Variants in APC observed in about 807,000 individuals in gnomAD.
The protein encoded by APC is APC regulator of Wnt signaling pathway, also known as adenomatous polyposis coli protein.
In APC, 72 loss-of-function variants were observed where a neutral mutation model predicts 247.0. The ratio of observed to expected loss-of-function variants is 0.29; its 90% CI spans 0.24 to 0.35. The LOEUF (loss-of-function observed/expected upper bound fraction) is 0.35, where lower values mean the gene tolerates loss of function less well. Ranked by LOEUF, APC falls within the 10% of genes least tolerant of loss-of-function variation. APC has a pLI of 1.00. For missense variants in APC, 3,400 were observed against 3,360.7 expected, an observed-to-expected ratio of 1.01 and a Z score of -0.29; for synonymous variants, 1,254 against 1,162.5, an observed-to-expected ratio of 1.08 and a Z score of -1.60.
At chr5:112,829,071 G>C in intron 14 of APC, 99 bp downstream of exon 14, 1 of 818,474 alleles carries the variant, frequency 1.2e-6, no homozygotes, top group Non-Finnish European at 2.1e-6. Flanking sequence ...TCTTACCTGT[G>C]TATTATTCAG....
chr5:112,738,074 C>A (rs1366150493), intron 1 of APC, 149 bp downstream of exon 1: 1 of 485,340 alleles, frequency 2.1e-6, no homozygotes, highest in Non-Finnish European at 2.7e-6. Context: ...CGTCCCCCCG[C>A]CCCCCACTGC....
intron 1 of APC, among the ~76,000 whole-genome samples, chr5:112,717,861 G>C (rs1324009988): frequency 7.7e-6 from 1 of 130,034 alleles, no homozygotes; most frequent in Non-Finnish European, 1.6e-5. Flanking sequence ...AGTATGTTAG[G>C]CCTTCTTATC....
intron 1 of APC, among the ~76,000 whole-genome samples, chr5:112,722,480 C>G (rs1277600121): frequency 1.3e-5 from 2 of 152,134 alleles, no homozygotes; most frequent in African/African-American, 4.8e-5. Context: ...GGGTGTCCTC[C>G]AATTCATTTC....
intron 1 of APC, among the ~76,000 whole-genome samples, chr5:112,709,286 A>G (rs1215357454): frequency 6.6e-6 from 1 of 152,200 alleles, no homozygotes; most frequent in Non-Finnish European, 1.5e-5. Context: ...ATAACACATA[A>G]TCTATTTTTC....
intron 2 of APC, among the ~76,000 whole-genome samples, chr5:112,758,920 T>A (rs189187442): frequency 1.3e-5 from 2 of 152,122 alleles, no homozygotes. Flanking sequence ...AGCTCTTTAA[T>A]TGACTTTAAA....
At chr5:112,802,409 T>G (rs1760923325) in intron 8 of APC, among the ~76,000 whole-genome samples, 1 of 152,080 alleles carries the variant, frequency 6.6e-6, no homozygotes, top group Non-Finnish European at 1.5e-5. Flanking sequence ...TTTAGGGAAT[T>G]AGTTGCAACA....
chr5:112,763,988 A>G (rs977311439), intron 2 of APC, among the ~76,000 whole-genome samples: 2 of 152,072 alleles, frequency 1.3e-5, no homozygotes, highest in Non-Finnish European at 2.9e-5. Context: ...CTGTAATCCC[A>G]GCACTTTGGG....
intron 9 of APC, 21 bp downstream of exon 9, chr5:112,815,614 C>T (rs2149764388): frequency 6.3e-7 from 1 of 1,582,078 alleles, no homozygotes; most frequent in Non-Finnish European, 8.7e-7. Context: ...ATTACAAACC[C>T]TGGTCACTAA....
Position 112,827,541 on chromosome 5 carries a change from G to GT in APC, c.1548+297dup, listed in dbSNP as rs35305379. ...ATTTCTGTGATCCATTACTAGAGAA[G>GT]TTTAACTGTGTAGAATTAAAAAATA... is the stretch of plus-strand genomic sequence containing the variant. On this transcript the variant is annotated intron_variant, in intron 12 of 15. Transcript: ENST00000257430. Among the ~76,000 whole-genome samples, 93,252 of 152,016 alleles carry GT rather than the reference G, an allele frequency of 0.61. 29,068 individuals carry two copies. Among genetic ancestry groups the GT allele is most frequent in the East Asian group, 0.82 (4,262 of 5,172 alleles).
intron 2 of APC, among the ~76,000 whole-genome samples, chr5:112,762,944 A>G (rs1755831036): frequency 6.6e-6 from 1 of 151,938 alleles, no homozygotes; most frequent in Admixed American, 6.5e-5. Flanking sequence ...AAGGCAAAGT[A>G]ACTGGATGTG....
intron 1 of APC, among the ~76,000 whole-genome samples, chr5:112,743,384 G>A (rs952461671): frequency 6.6e-6 from 1 of 151,976 alleles, no homozygotes; most frequent in Non-Finnish European, 1.5e-5. Context: ...GGCCATCTTT[G>A]TGGGGCCATA....
chr5:112,728,574 G>A (rs1479391368), intron 1 of APC, among the ~76,000 whole-genome samples: 1 of 152,052 alleles, frequency 6.6e-6, no homozygotes, highest in Admixed American at 6.6e-5. Flanking sequence ...GAAAAATAAA[G>A]TTCTTACGCA....
At chr5:112,810,677 A>G (rs1761898059) in intron 8 of APC, among the ~76,000 whole-genome samples, 1 of 152,320 alleles carries the variant, frequency 6.6e-6, no homozygotes, top group Admixed American at 6.5e-5. Context: ...TTCCAGACAA[A>G]TGGGGTGGAA....
chr5:112,771,666 G>A, intron 4 of APC, among the ~76,000 whole-genome samples: 1 of 151,968 alleles, frequency 6.6e-6, no homozygotes, highest in East Asian at 1.9e-4. Flanking sequence ...GAATGTTTTG[G>A]TATGCATATT....
intron 8 of APC, among the ~76,000 whole-genome samples, chr5:112,802,158 A>C (rs150177574): frequency 5.0e-4 from 76 of 152,174 alleles, no homozygotes; most frequent in African/African-American, 1.7e-3. Flanking sequence ...TGATACAGAA[A>C]ATTTTCTTAG....
At chr5:112,734,795 T>TTTTTGTGTGTGTG (rs113681129), upstream of APC, among the ~76,000 whole-genome samples, 732 of 145,048 alleles carry the variant, frequency 5.0e-3, 7 homozygotes, top group African/African-American at 0.018. Context: ...GTGTGTGTGT[T>TTTTTGTGTGTGTG]TTTTTTTTTT....
At chr5:112,818,693 T>C (rs1762763960) in intron 9 of APC, among the ~76,000 whole-genome samples, 1 of 152,156 alleles carries the variant, frequency 6.6e-6, no homozygotes, top group African/African-American at 2.4e-5. Flanking sequence ...AGTTTGTTAG[T>C]GAGTATGCAA....
intron 2 of APC, among the ~76,000 whole-genome samples, chr5:112,763,478 G>T (rs991422433): frequency 6.6e-6 from 1 of 151,674 alleles, no homozygotes; most frequent in East Asian, 1.9e-4. Flanking sequence ...AATACTTATT[G>T]TTGGACATCT....
intron 4 of APC, among the ~76,000 whole-genome samples, chr5:112,771,332 G>A (rs1180564479): frequency 2.6e-5 from 4 of 151,818 alleles, no homozygotes; most frequent in Non-Finnish European, 4.4e-5. Context: ...AATTTTTATT[G>A]GAGCCAATGA....
Sources: allele counts gnomAD v4.1 joint callset (sites outside exome capture counted in the v4.1 genomes callset), GRCh38; gene constraint gnomAD v4.1.1; transcripts MANE v1.5; gene names NCBI Gene and HGNC (gene_info 2026-07-23, HGNC 2026-07-21).